Variants in KIAA1217 observed in about 807,000 individuals in gnomAD.
KIAA1217 encodes sickle tail protein homolog.
A neutral mutation model predicts 163.9 loss-of-function variants in KIAA1217; 88 were observed. The observed-to-expected ratio is 0.54, with a 90% CI of 0.45 to 0.64. KIAA1217 has a LOEUF of 0.64. Ranked by LOEUF, KIAA1217 falls within the 30% of genes least tolerant of loss-of-function variation. KIAA1217 has a pLI of 0.00. For synonymous variants in KIAA1217, 903 were observed against 923.1 expected (o/e 0.98, Z 0.39); for missense variants, 2,372 against 2,475.0 (o/e 0.96, Z 0.88).
chr10:24,070,342 C>G (rs1196023263), intron 2 of KIAA1217, among the ~76,000 whole-genome samples: 1 of 150,518 alleles, frequency 6.6e-6, no homozygotes, highest in Non-Finnish European at 1.5e-5. Flanking sequence ...AATTCCCAAA[C>G]AAAATACATT....
chr10:24,055,957 TAA>T (rs372333243), intron 2 of KIAA1217, among the ~76,000 whole-genome samples: 107 of 142,980 alleles, frequency 7.5e-4, no homozygotes, highest in African/African-American at 2.6e-3. Flanking sequence ...ACACTAAATT[TAA>T]AAAAAAAAAA....
chr10:23,735,854 A>G (rs1425462817), intron 1 of KIAA1217, among the ~76,000 whole-genome samples: 1 of 152,224 alleles, frequency 6.6e-6, no homozygotes, highest in African/African-American at 2.4e-5. Context: ...ATATAGACAT[A>G]TGAAACAATC....
intron 1 of KIAA1217, among the ~76,000 whole-genome samples, chr10:23,856,027 C>T (rs557910975): frequency 4.6e-5 from 7 of 152,238 alleles, no homozygotes; most frequent in Admixed American, 3.9e-4. Context: ...AGTCATTCTC[C>T]GTCCAGCTTT....
At chr10:23,818,172 G>A (rs11013727) in intron 1 of KIAA1217, among the ~76,000 whole-genome samples, 39,906 of 139,196 alleles carry the variant, frequency 0.29, 6,963 homozygotes, top group African/African-American at 0.49. Flanking sequence ...TGCCATGTAC[G>A]ATGACATCAA....
chr10:24,070,078 G>C (rs77076891), intron 2 of KIAA1217, among the ~76,000 whole-genome samples: 1 of 152,056 alleles, frequency 6.6e-6, no homozygotes, highest in African/African-American at 2.4e-5. Flanking sequence ...GGCCTCTAGC[G>C]ATCCTTCCAC....
intron 2 of KIAA1217, among the ~76,000 whole-genome samples, chr10:24,325,303 G>A (rs1021187455): frequency 6.6e-6 from 1 of 152,206 alleles, no homozygotes; most frequent in Non-Finnish European, 1.5e-5. Flanking sequence ...ACTCAAGCAG[G>A]CTGCAGCAGT....
chr10:24,039,024 A>G (rs1848513802), intron 2 of KIAA1217, among the ~76,000 whole-genome samples: 1 of 152,128 alleles, frequency 6.6e-6, no homozygotes, highest in Admixed American at 6.5e-5. Flanking sequence ...GATGACAGAC[A>G]TGAGCCACCG....
At chr10:24,398,697 G>C (rs929422491) in intron 3 of KIAA1217, among the ~76,000 whole-genome samples, 1 of 151,930 alleles carries the variant, frequency 6.6e-6, no homozygotes, top group South Asian at 2.1e-4. Flanking sequence ...TGGGCCGCCC[G>C]CATGCACAGT....
intron 2 of KIAA1217, among the ~76,000 whole-genome samples, chr10:24,342,691 C>T (rs1181185152): frequency 1.5e-5 from 2 of 132,104 alleles, no homozygotes; most frequent in African/African-American, 5.8e-5. Flanking sequence ...CAGAGTCTCA[C>T]TCTGTCGCCC....
chr10:24,486,251 G>A (rs569780775), intron 6 of KIAA1217, among the ~76,000 whole-genome samples: 31 of 152,228 alleles, frequency 2.0e-4, no homozygotes, highest in Non-Finnish European at 4.1e-4. Flanking sequence ...GACCTTTCAC[G>A]TCCAACCTCA....
Position 23,776,041 on chromosome 10 carries a change from A to C in KIAA1217, c.-321+80807A>C, listed in dbSNP as rs138049762. The stretch of plus-strand genomic sequence containing the variant: ...ACAGAGTCACATAAAGAACTCTAAT[A>C]ATTTCTTTTAAAATTATAGGGCAGG... On this transcript the variant is annotated intron_variant, in intron 1 of 18. Coordinates refer to the KIAA1217 transcript ENST00000376462. Among the ~76,000 whole-genome samples, 134 of 152,324 alleles carry C rather than the reference A, an allele frequency of 8.8e-4. 1 individual carries two copies. Among genetic ancestry groups the C allele is most frequent in the African/African-American group, 3.1e-3 (128 of 41,580 alleles).
intron 1 of KIAA1217, among the ~76,000 whole-genome samples, chr10:23,869,124 GTTTTTT>G (rs58288361): frequency 0.013 from 427 of 31,714 alleles, 7 homozygotes; most frequent in African/African-American, 0.05. Context: ...ATGAAATGTA[GTTTTTT>G]TTTTTTTTTT....
chr10:24,353,524 C>T (rs2048713790), intron 2 of KIAA1217, among the ~76,000 whole-genome samples: 1 of 152,132 alleles, frequency 6.6e-6, no homozygotes, highest in African/African-American at 2.4e-5. Flanking sequence ...CAGTGCCCCG[C>T]TGATCACTCA....
At chr10:23,815,501 G>T (rs890411833) in intron 1 of KIAA1217, among the ~76,000 whole-genome samples, 4 of 152,098 alleles carry the variant, frequency 2.6e-5, no homozygotes, top group Non-Finnish European at 5.9e-5. Flanking sequence ...AAAATTAGCT[G>T]GGCGTGGTGG....
intron 1 of KIAA1217, among the ~76,000 whole-genome samples, chr10:23,874,365 CTATT>C (rs369453759): frequency 6.6e-6 from 1 of 152,022 alleles, no homozygotes; most frequent in African/African-American, 2.4e-5. Context: ...TAACTCTTTA[CTATT>C]TAGTTTGTTC....
At chr10:23,926,360 GA>G (rs1458570966) in intron 1 of KIAA1217, among the ~76,000 whole-genome samples, 1 of 152,218 alleles carries the variant, frequency 6.6e-6, no homozygotes, top group East Asian at 1.9e-4. Context: ...CATCTCATAT[GA>G]AAATGATGAC....
chr10:23,862,905 A>T (rs1840021685), intron 1 of KIAA1217, among the ~76,000 whole-genome samples: 2 of 152,098 alleles, frequency 1.3e-5, no homozygotes, highest in African/African-American at 4.8e-5. Flanking sequence ...CTTCTTCTTT[A>T]TTCTTTGCTC....
intron 2 of KIAA1217, among the ~76,000 whole-genome samples, chr10:24,153,307 C>A (rs938964498): frequency 6.6e-6 from 1 of 152,176 alleles, no homozygotes; most frequent in Non-Finnish European, 1.5e-5. Flanking sequence ...GGTAAGAACA[C>A]CACTTGTGGT....
chr10:24,206,815 C>T (rs2067577661), upstream of KIAA1217, among the ~76,000 whole-genome samples: 1 of 151,944 alleles, frequency 6.6e-6, no homozygotes, highest in South Asian at 2.1e-4. Context: ...GGGCTTGGCC[C>T]GTATGGGGGA....
Sources: gnomAD v4.1 joint callset for allele counts (sites outside exome capture counted in the v4.1 genomes callset) on GRCh38, gnomAD v4.1.1 for gene constraint, MANE v1.5 for transcripts, NCBI Gene and HGNC (gene_info 2026-07-23, HGNC 2026-07-21) for gene names.